RPS29: variants seen among roughly 807,000 people sequenced by gnomAD.
RPS29 encodes the protein small ribosomal subunit protein uS14.
For synonymous variants in RPS29, 37 were observed against 26.9 expected (o/e 1.37, Z -1.16); for missense variants, 60 against 75.7 (o/e 0.79, Z 0.77).
exon 3 of RPS29, chr14:49,573,451 C>G (rs1594564478): frequency 8.7e-6 from 1 of 114,330 alleles, no homozygotes; most frequent in Non-Finnish European, 1.7e-5. Flanking sequence ...CCAGCCTGGA[C>G]AACAGAGTTA....
At chr14:49,573,691 G>A (rs528285376) in exon 3 of RPS29, 1 of 152,228 alleles carries the variant, frequency 6.6e-6, no homozygotes, top group African/African-American at 2.4e-5. Flanking sequence ...CTGTTGGAGT[G>A]GACCATCTTT....
chr14:49,585,732 G>A (rs1286383217), intron 2 of RPS29: 4 of 542,192 alleles, frequency 7.4e-6, no homozygotes, highest in East Asian at 5.7e-5. Flanking sequence ...AAAGGGAGTA[G>A]GAAAGACTAA....
At chr14:49,595,864 T>C (rs899939257) in intron 1 of RPS29, among the ~76,000 whole-genome samples, 1 of 151,666 alleles carries the variant, frequency 6.6e-6, no homozygotes, top group African/African-American at 2.4e-5. Flanking sequence ...AATACAAAAA[T>C]TACCTGGGCA....
exon 3 of RPS29, chr14:49,576,640 G>C (rs1057514098): frequency 2.6e-5 from 4 of 152,152 alleles, no homozygotes; most frequent in Non-Finnish European, 5.9e-5. Context: ...TGGTTTGTGG[G>C]CTGTGTCCCC....
chr14:49,594,191 C>A (rs561227008), intron 1 of RPS29, among the ~76,000 whole-genome samples: 2 of 152,172 alleles, frequency 1.3e-5, no homozygotes, highest in Admixed American at 6.5e-5. Context: ...CTAACTGATA[C>A]ATCTGCTTTC....
downstream of RPS29, among the ~76,000 whole-genome samples, chr14:49,579,142 G>A (rs193279399): frequency 3.5e-4 from 53 of 152,310 alleles, no homozygotes; most frequent in South Asian, 2.1e-4. Context: ...ATTAGGTCAT[G>A]AGAGGTCAAC....
At chr14:49,594,528 A>C (rs1326997613) in intron 1 of RPS29, among the ~76,000 whole-genome samples, 1 of 152,222 alleles carries the variant, frequency 6.6e-6, no homozygotes, top group Non-Finnish European at 1.5e-5. Flanking sequence ...AAGACATTCA[A>C]AGAGTGTCAC....
chr14:49,597,336 GC>G (rs1881853165), intron 1 of RPS29: 1 of 152,006 alleles, frequency 6.6e-6, no homozygotes, highest in Admixed American at 6.6e-5. Flanking sequence ...GGGCTTACAG[GC>G]GTGAGCCACC....
chr14:49,589,555 A>T (rs780314095), upstream of RPS29, among the ~76,000 whole-genome samples: 7 of 152,280 alleles, frequency 4.6e-5, no homozygotes, highest in Middle Eastern at 6.8e-3. Flanking sequence ...TCATTTAAAA[A>T]CCTTCATCTT....
chr14:49,595,841 C>T (rs1247116682), intron 1 of RPS29, among the ~76,000 whole-genome samples: 3 of 151,970 alleles, frequency 2.0e-5, no homozygotes, highest in Non-Finnish European at 4.4e-5. Flanking sequence ...GGTGAAACCC[C>T]GTCTGTACTA....
chr14:49,587,100 TAAAG>T (rs966412027), upstream of RPS29, among the ~76,000 whole-genome samples: 4 of 152,280 alleles, frequency 2.6e-5, no homozygotes, highest in African/African-American at 7.2e-5. Context: ...TTTATTTTGT[TAAAG>T]AGAGTACGTT....
intron 1 of RPS29, among the ~76,000 whole-genome samples, chr14:49,593,135 T>C (rs893640214): frequency 6.6e-5 from 10 of 152,216 alleles, no homozygotes; most frequent in African/African-American, 2.4e-4. Context: ...TAATTGCATG[T>C]AAGGCTGCTG....
intron 1 of RPS29, among the ~76,000 whole-genome samples, chr14:49,595,309 G>C (rs570859297): frequency 1.1e-4 from 16 of 152,240 alleles, no homozygotes; most frequent in African/African-American, 3.9e-4. Flanking sequence ...ATGTGGGTGG[G>C]GCATGGTGGC....
intron 1 of RPS29, chr14:49,597,827 T>A (rs1006659508): frequency 1.3e-5 from 2 of 152,076 alleles, no homozygotes; most frequent in African/African-American, 4.8e-5. Context: ...TTTTGTATTT[T>A]TCTTAGAGAC....
chr14:49,571,997 C>G (rs1237136240), exon 3 of RPS29: 1 of 152,234 alleles, frequency 6.6e-6, no homozygotes, highest in Non-Finnish European at 1.5e-5. Context: ...GTTGCCCAGG[C>G]TGAAGTGCAG....
exon 3 of RPS29, chr14:49,574,859 T>C (rs904374629): frequency 1.3e-5 from 2 of 152,302 alleles, no homozygotes; most frequent in African/African-American, 4.8e-5. Context: ...AGATGGTATA[T>C]GTCCAAAGTG....
chr14:49,598,501 C>A, exon 1 of RPS29: 1 of 702,424 alleles, frequency 1.4e-6, no homozygotes, highest in Non-Finnish European at 2.6e-6. Context: ...GAGCAGCCAC[C>A]AAAACCACCA....
At chr14:49,586,102 C>G (rs889632309) in intron 1 of RPS29, 53 bp from the exon 2 acceptor site, 1 of 1,516,458 alleles carries the variant, frequency 6.6e-7, no homozygotes, top group African/African-American at 1.4e-5. Flanking sequence ...CAAGACTCCG[C>G]ACTCAGACGG....
At chr14:49,594,426 T>C (rs1881778279) in intron 1 of RPS29, among the ~76,000 whole-genome samples, 1 of 152,192 alleles carries the variant, frequency 6.6e-6, no homozygotes, top group Non-Finnish European at 1.5e-5. Flanking sequence ...AACAGCTCTG[T>C]AGCAAAGTAA....
Sources: gnomAD v4.1 joint callset for allele counts (sites outside exome capture counted in the v4.1 genomes callset) on GRCh38, gnomAD v4.1.1 for gene constraint, MANE v1.5 for transcripts, NCBI Gene and HGNC (gene_info 2026-07-23, HGNC 2026-07-21) for gene names.